TMEM43: variants seen among roughly 807,000 people sequenced by gnomAD.
TMEM43 encodes the protein arrhythmogenic right ventricular dysplasia 5.
A neutral mutation model predicts 49.6 loss-of-function variants in TMEM43; 45 were observed. The observed-to-expected ratio is 0.91, with a 90% CI of 0.71 to 1.16. TMEM43 has a LOEUF of 1.16. Among genes scored for constraint, TMEM43 ranks in the 50% most tolerant of loss-of-function variants. The pLI is 0.00. For synonymous variants in TMEM43, 199 were observed against 207.8 expected, an observed-to-expected ratio of 0.96 and a Z score of 0.36; for missense variants, 532 against 516.6, an observed-to-expected ratio of 1.03 and a Z score of -0.29.
chr3:14,139,392 T>C, intron 11 of TMEM43, 95 bp downstream of exon 11: 1 of 902,432 alleles, frequency 1.1e-6, no homozygotes, highest in Admixed American at 1.7e-5. Flanking sequence ...CCTGATGGGA[T>C]GGCCCTTGTG....
In TMEM43 at chr3:14,141,983, A is replaced by C. The variant is rs1695255404; in HGVS notation, c.*188A>C. The C allele has an allele frequency of 1.6e-6, 1 of 615,240 alleles. No individual in the cohort carries two copies. The highest frequency in any genetic ancestry group is 2.8e-5 in the East Asian group (1 of 36,246). The allele number at this position is 615,240 out of a possible 1,614,324, so 38.1% of individuals were successfully genotyped here. ...GTGTTCACCAGCTCATGTCTTCCCC[A>C]CATCTCTTCTTGCCAGTAAGCAGCT... On this transcript the variant is annotated 3_prime_UTR_variant, in exon 12 of 12. Transcript: ENST00000306077.
intron 9 of TMEM43, 38 bp downstream of exon 9, chr3:14,135,270 C>A: frequency 6.4e-7 from 1 of 1,555,204 alleles, no homozygotes; most frequent in Non-Finnish European, 8.8e-7. Context: ...TAAGTCAGAG[C>A]CTCACGACTT....
rs2124991349 is a variant in TMEM43 at position 14,135,205 on chromosome 3, T to C, written c.753T>C (p.Asp251=). 1.2e-6 allele frequency: 2 copies of C among 1,612,700 alleles called. No individual in the cohort carries two copies. Among genetic ancestry groups the C allele is most frequent in the Middle Eastern group, 1.6e-4 (1 of 6,062 alleles). The change falls in exon 9 of 12, where the codon GAT becomes GAC. Residue 251 remains aspartate, a synonymous_variant. Coordinates refer to ENST00000306077, the MANE Select transcript of TMEM43 (RefSeq NM_024334.3). ...VSFSYAGLSG[D]DPDLGPAHVV... is the part of the protein sequence containing the mutation. ...TTTCCTATGCTGGACTGAGCGGCGA[T>C]GACCCTGACCTGGGCCCAGCTCACG...
chr3:14,134,001 C>A lies in TMEM43; in HGVS notation c.583+192C>A, dbSNP rs532211756. On this transcript the variant is annotated intron_variant, in intron 7 of 11. Coordinates refer to ENST00000306077, the MANE Select transcript of TMEM43 (RefSeq NM_024334.3). ...AGGGCTGACGTAGAAACCCCCACCC[C>A]ACTCCATCCTACCAGGTTCCTCTGA... Among the ~76,000 whole-genome samples, 7 of 152,304 alleles carry A rather than the reference C, an allele frequency of 4.6e-5. No individual in the cohort carries two copies. In the East Asian group the frequency reaches 7.7e-4, roughly 17 times the overall value.
chr3:14,140,815 A>C (rs555077846), intron 11 of TMEM43, among the ~76,000 whole-genome samples: 1 of 152,346 alleles, frequency 6.6e-6, no homozygotes, highest in Non-Finnish European at 1.5e-5. Context: ...CTGTATGGGA[A>C]CAGATCAGGA....
chr3:14,137,456 G>A (rs1049296383), intron 10 of TMEM43, among the ~76,000 whole-genome samples: 1 of 152,146 alleles, frequency 6.6e-6, no homozygotes, highest in East Asian at 1.9e-4. Flanking sequence ...ATGCTCAGGC[G>A]GCCTCCTTAC....
chr3:14,131,689 T>A lies in TMEM43; in HGVS notation c.392+15T>A. On this transcript the variant is annotated intron_variant, in intron 4 of 11. Coordinates refer to ENST00000306077, the MANE Select transcript of TMEM43 (RefSeq NM_024334.3). Reference sequence around the variant, plus strand: ...GAGGAGTCCAGGTGAGCTGTTGGGGTGAAAACTCTGTTGGGGTAAAGGAGG... The same window carrying A: ...GAGGAGTCCAGGTGAGCTGTTGGGGAGAAAACTCTGTTGGGGTAAAGGAGG... 1 of 1,596,246 alleles carries A rather than the reference T, an allele frequency of 6.3e-7. No individual in the cohort carries two copies. The highest frequency in any genetic ancestry group is 2.2e-5 in the East Asian group (1 of 44,788).
intron 4 of TMEM43, 79 bp downstream of exon 4, chr3:14,131,753 TC>T (rs1574937744): frequency 9.8e-7 from 1 of 1,020,152 alleles, no homozygotes; most frequent in East Asian, 2.5e-5. Flanking sequence ...CAGATGTCTT[TC>T]ATTTTGATAC....
chr3:14,135,720 C>T, intron 9 of TMEM43, 87 bp from the exon 10 acceptor site: 1 of 1,163,270 alleles, frequency 8.6e-7, no homozygotes, highest in Admixed American at 1.8e-5. Flanking sequence ...CCAGCCGGCA[C>T]CCAGTCCCGG....
chr3:14,132,478 G>A (rs760075635), intron 4 of TMEM43, 68 bp from the exon 5 acceptor site: 2 of 1,575,224 alleles, frequency 1.3e-6, no homozygotes, highest in Non-Finnish European at 1.7e-6. Flanking sequence ...TTCCTGCTCA[G>A]ATGCTTAGAG....
rs1695181098 is a variant in TMEM43 at position 14,137,234 on chromosome 3, A to C, written c.882+1326A>C. On this transcript the variant is annotated intron_variant, in intron 10 of 11. Transcript: ENST00000306077. ...GGAGCCCAGTTACCAACCTCAGGGTAGGGCTGCCACCTCCCAGCCTAGAAG... is the reference window on the plus strand; with the variant it reads ...GGAGCCCAGTTACCAACCTCAGGGTCGGGCTGCCACCTCCCAGCCTAGAAG... The C allele has an allele frequency of 1.3e-5, 2 of 149,634 alleles. 1 individual carries two copies. Among genetic ancestry groups the C allele is most frequent in the Admixed American group, 1.4e-4 (2 of 14,798 alleles). The allele number at this position is 149,634 out of a possible 1,614,324, so 9.3% of individuals were successfully genotyped here.
intron 1 of TMEM43, among the ~76,000 whole-genome samples, chr3:14,127,828 C>T (rs538694110): frequency 5.3e-5 from 8 of 152,262 alleles, no homozygotes; most frequent in Admixed American, 3.9e-4. Flanking sequence ...AATCAGAATG[C>T]GACATCAGCT....
At position 14,130,837 on chromosome 3, in the gene TMEM43, A is replaced by G. The variant is rs1695084121; in HGVS notation, c.178A>G (p.Thr60Ala). ...IFTNEGRALK[T>A]ATSLAEGLSL... Reference sequence around the variant, plus strand: ...TTGCTCCCAGGGCCGCGCATTGAAGACGGCAACCTCATTGGCTGAGGGGCT... The same window carrying G: ...TTGCTCCCAGGGCCGCGCATTGAAGGCGGCAACCTCATTGGCTGAGGGGCT... Residue 60 changes from threonine to alanine, a missense_variant, in exon 3 of 12, where the codon ACG (threonine) becomes GCG (alanine). By Grantham distance (58) the Thr-to-Ala change is moderately conservative. Transcript: ENST00000306077. 6.2e-7 allele frequency: 1 copy of G among 1,613,790 alleles called. No homozygotes were observed. Among genetic ancestry groups the G allele is most frequent in the South Asian group, 1.1e-5 (1 of 91,000 alleles).
chr3:14,125,936 G>C (rs1464761861), intron 1 of TMEM43, among the ~76,000 whole-genome samples: 2 of 152,138 alleles, frequency 1.3e-5, no homozygotes, highest in South Asian at 4.1e-4. Context: ...CAGGGCGCTG[G>C]GTGTGGGAGA....
chr3:14,141,015 G>A (rs1695239265), intron 11 of TMEM43, among the ~76,000 whole-genome samples: 1 of 152,234 alleles, frequency 6.6e-6, no homozygotes, highest in Non-Finnish European at 1.5e-5. Flanking sequence ...AATTCCTCAT[G>A]AATTTAGCTG....
At chr3:14,126,752 C>A (rs1418777829) in intron 1 of TMEM43, among the ~76,000 whole-genome samples, 28 of 152,218 alleles carry the variant, frequency 1.8e-4, no homozygotes, top group Non-Finnish European at 4.1e-4. Flanking sequence ...TGAGTATTCT[C>A]TGCTGCCAAG....
Position 14,131,655 on chromosome 3 carries a change from G to A in TMEM43, c.373G>A (p.Val125Ile). ...GAGGCACGTGGAGATGTACCAATGG[G>A]TAGAAACTGAGGAGTCCAGGTGAGC... The part of the protein sequence containing the change: ...LRRHVEMYQW[V>I]ETEESREYTE... Residue 125 changes from valine to isoleucine, a missense_variant, in exon 4 of 12, where the codon GTA becomes ATA. Transcript: ENST00000306077. 1 of 1,614,024 alleles carries A rather than the reference G, an allele frequency of 6.2e-7. No individual in the cohort carries two copies. Among genetic ancestry groups the A allele is most frequent in the Non-Finnish European group, 8.5e-7 (1 of 1,179,888 alleles).
chr3:14,136,034 C>T (rs746009594), intron 10 of TMEM43, 126 bp downstream of exon 10: 25 of 869,032 alleles, frequency 2.9e-5, no homozygotes, highest in Non-Finnish European at 4.6e-5. Flanking sequence ...GAAGAAATAG[C>T]GGAATGTTGA....
chr3:14,130,886 G>T lies in TMEM43; in HGVS notation c.227G>T (p.Ser76Ile). 1 of 1,613,734 alleles carries T rather than the reference G, an allele frequency of 6.2e-7. No homozygotes were observed. Among genetic ancestry groups the T allele is most frequent in the Non-Finnish European group, 8.5e-7 (1 of 1,179,750 alleles). ...EGLSLVVSPD[S>I]IHSVAPENEG... ...CTCTCGCTTGTGGTGTCTCCCGACA[G>T]CATCCACAGTGTGGCTCCGGAGAAT... Residue 76 changes from serine to isoleucine, a missense_variant, in exon 3 of 12, where the codon AGC (serine) becomes ATC (isoleucine). Physicochemically the swap from Ser to Ile is moderately radical, Grantham distance 142. Coordinates refer to ENST00000306077, the MANE Select transcript of TMEM43 (RefSeq NM_024334.3).
Sources: gnomAD v4.1 joint callset for allele counts (sites outside exome capture counted in the v4.1 genomes callset) on GRCh38, gnomAD v4.1.1 for gene constraint, MANE v1.5 for transcripts, NCBI Gene and HGNC (gene_info 2026-07-23, HGNC 2026-07-21) for gene names.